Variants in GALNT13 observed in about 807,000 individuals in gnomAD.
The protein encoded by GALNT13 is polypeptide N-acetylgalactosaminyltransferase 13.
A neutral mutation model predicts 64.2 loss-of-function variants in GALNT13; 28 were observed. That is an observed-to-expected ratio of 0.44 (90% CI 0.32 to 0.60). The LOEUF (loss-of-function observed/expected upper bound fraction) is 0.60, where lower values mean the gene tolerates loss of function less well. Among genes scored for constraint, GALNT13 ranks in the 20% least tolerant of loss-of-function variants. The pLI is 0.05. For synonymous variants in GALNT13, 214 were observed against 224.6 expected, an observed-to-expected ratio of 0.95 and a Z score of 0.42; for missense variants, 577 against 669.8, an observed-to-expected ratio of 0.86 and a Z score of 1.53.
the GALNT13 span, among the ~76,000 whole-genome samples, chr2:153,188,134 A>T: frequency 5.9e-5 from 9 of 152,030 alleles, no homozygotes; most frequent in Admixed American, 5.9e-4. Flanking sequence ...TTGTTTCCTT[A>T]TCATATTAAT....
At chr2:154,283,703 CTA>C (rs575495025) in intron 8 of GALNT13, among the ~76,000 whole-genome samples, 6 of 151,940 alleles carry the variant, frequency 3.9e-5, no homozygotes, top group Admixed American at 6.5e-5. Flanking sequence ...ATACACACAT[CTA>C]TATGTGTGTG....
the GALNT13 span, among the ~76,000 whole-genome samples, chr2:153,178,378 T>TA: frequency 6.6e-6 from 1 of 152,182 alleles, no homozygotes; most frequent in Non-Finnish European, 1.5e-5. Context: ...GTTTTCTCTT[T>TA]TGTCTTTTTG....
At chr2:153,080,011 A>G in the GALNT13 span, among the ~76,000 whole-genome samples, 6 of 152,220 alleles carry the variant, frequency 3.9e-5, no homozygotes, top group South Asian at 1.0e-3. Flanking sequence ...CCTGTAAAAT[A>G]TCATTTAAAC....
At chr2:154,409,962 A>T (rs777622530) in intron 11 of GALNT13, among the ~76,000 whole-genome samples, 83 of 152,062 alleles carry the variant, frequency 5.5e-4, no homozygotes, top group African/African-American at 2.0e-3. Flanking sequence ...GGCGCACCAT[A>T]CTTCAAACAG....
At chr2:153,629,267 C>A in the GALNT13 span, among the ~76,000 whole-genome samples, 1 of 151,314 alleles carries the variant, frequency 6.6e-6, no homozygotes, top group Non-Finnish European at 1.5e-5. Context: ...GCTACAGTAA[C>A]CAAAACAGCA....
chr2:153,801,147 G>A, the GALNT13 span, among the ~76,000 whole-genome samples: 1 of 152,016 alleles, frequency 6.6e-6, no homozygotes, highest in East Asian at 1.9e-4. Flanking sequence ...TGGCTTGTTT[G>A]ATCTTCTGTC....
the GALNT13 span, among the ~76,000 whole-genome samples, chr2:153,571,234 G>C: frequency 6.6e-6 from 1 of 151,758 alleles, no homozygotes; most frequent in Non-Finnish European, 1.5e-5. Flanking sequence ...AATGGGATTA[G>C]TTTTTAAATT....
the GALNT13 span, among the ~76,000 whole-genome samples, chr2:153,231,658 G>A: frequency 5.8e-4 from 88 of 152,106 alleles, no homozygotes; most frequent in South Asian, 3.3e-3. Context: ...CAGCTGTTAC[G>A]TTTATTTTTT....
chr2:153,774,647 G>T, the GALNT13 span, among the ~76,000 whole-genome samples: 1 of 152,158 alleles, frequency 6.6e-6, no homozygotes, highest in African/African-American at 2.4e-5. Flanking sequence ...TGTAATCATA[G>T]AAGTTTGGGA....
At chr2:154,129,276 T>A (rs1457848145) in intron 3 of GALNT13, among the ~76,000 whole-genome samples, 1 of 152,126 alleles carries the variant, frequency 6.6e-6, no homozygotes, top group African/African-American at 2.4e-5. Flanking sequence ...ACTGACAAAG[T>A]GATTATCAGG....
chr2:153,751,010 C>T, the GALNT13 span, among the ~76,000 whole-genome samples: 1 of 151,802 alleles, frequency 6.6e-6, no homozygotes, highest in East Asian at 1.9e-4. Flanking sequence ...TGTTTTGTTT[C>T]CATTGTCATT....
intron 11 of GALNT13, among the ~76,000 whole-genome samples, chr2:154,418,554 G>A (rs2105417478): frequency 6.6e-6 from 1 of 152,280 alleles, no homozygotes; most frequent in East Asian, 1.9e-4. Flanking sequence ...CCTGGAAGAA[G>A]CAAGGGCTAG....
At chr2:153,913,322 AGTGG>A (rs1330774861) in intron 2 of GALNT13, among the ~76,000 whole-genome samples, 1 of 152,144 alleles carries the variant, frequency 6.6e-6, no homozygotes, top group African/African-American at 2.4e-5. Flanking sequence ...TGTCAACAGC[AGTGG>A]TATAGCAGGG....
the GALNT13 span, among the ~76,000 whole-genome samples, chr2:153,633,504 A>G: frequency 3.9e-5 from 6 of 152,262 alleles, no homozygotes; most frequent in East Asian, 1.2e-3. Context: ...TTCTAGATAT[A>G]TGTTATTTAC....
At chr2:153,740,472 G>A in the GALNT13 span, among the ~76,000 whole-genome samples, 1 of 151,956 alleles carries the variant, frequency 6.6e-6, no homozygotes, top group East Asian at 1.9e-4. Flanking sequence ...TTAATTGCAA[G>A]CATATTTCCT....
chr2:153,872,444 G>C (rs1686017470), intron 1 of GALNT13, 141 bp downstream of exon 1: 2 of 152,084 alleles, frequency 1.3e-5, no homozygotes, highest in Non-Finnish European at 2.9e-5. Context: ...CCCCGGGCCG[G>C]TCCCAGGGCA....
chr2:153,769,377 C>T, the GALNT13 span, among the ~76,000 whole-genome samples: 10 of 152,062 alleles, frequency 6.6e-5, no homozygotes, highest in African/African-American at 2.2e-4. Context: ...TGGCTAGCTT[C>T]CCCCTCCCCC....
intron 8 of GALNT13, among the ~76,000 whole-genome samples, chr2:154,299,419 G>C (rs1460505719): frequency 6.6e-6 from 1 of 151,176 alleles, no homozygotes; most frequent in Non-Finnish European, 1.5e-5. Context: ...ATTTCATGAA[G>C]CTAGGAAGAT....
chr2:153,937,380 A>G (rs1371564979), intron 2 of GALNT13, among the ~76,000 whole-genome samples: 1 of 152,254 alleles, frequency 6.6e-6, no homozygotes, highest in Non-Finnish European at 1.5e-5. Context: ...GAAGACAGTC[A>G]TGAAGGCAAC....
Sources: allele counts gnomAD v4.1 joint callset (sites outside exome capture counted in the v4.1 genomes callset), GRCh38; gene constraint gnomAD v4.1.1; transcripts MANE v1.5; gene names NCBI Gene and HGNC (gene_info 2026-07-23, HGNC 2026-07-21).